ACOT11: variants seen among roughly 807,000 people sequenced by gnomAD.
The protein encoded by ACOT11 is acyl-CoA thioesterase 11.
In ACOT11, 69 loss-of-function variants were observed where a neutral mutation model predicts 77.5. The observed-to-expected ratio is 0.89, with a 90% CI of 0.73 to 1.09. The LOEUF is 1.09. ACOT11 is among the 50% of genes least tolerant of loss of function. ACOT11 has a pLI of 0.00. For synonymous variants in ACOT11, 279 were observed against 313.0 expected, an observed-to-expected ratio of 0.89 and a Z score of 1.15; for missense variants, 766 against 813.7, an observed-to-expected ratio of 0.94 and a Z score of 0.71.
At chr1:54,590,447 G>A (rs1167519089) in intron 3 of ACOT11, among the ~76,000 whole-genome samples, 1 of 152,130 alleles carries the variant, frequency 6.6e-6, no homozygotes, top group Non-Finnish European at 1.5e-5. Context: ...AGAGCTGTGG[G>A]GACAGAGGGC....
At chr1:54,594,448 C>T (rs3816069) in intron 5 of ACOT11, 108 bp from the exon 6 acceptor site, 50,301 of 1,394,812 alleles carry the variant, frequency 0.036, 1,716 homozygotes, top group East Asian at 0.17. Flanking sequence ...CAGCAGCCCA[C>T]GCCTGCTGTG....
At chr1:54,576,778 T>G (rs1654132064) in intron 1 of ACOT11, among the ~76,000 whole-genome samples, 1 of 152,020 alleles carries the variant, frequency 6.6e-6, no homozygotes, top group African/African-American at 2.4e-5. Flanking sequence ...ACTGGAGGTG[T>G]GGGCGAGACT....
In ACOT11 at chr1:54,609,871, A is replaced by G. The variant is rs552412386; in HGVS notation, c.*759A>G. On this transcript the variant is annotated 3_prime_UTR_variant, in exon 16 of 16. Transcript: ENST00000343744. ...TCAGGATGTTGCCACTTGGAGTATGAACAATGGGCACGGGGTTTTCAGCCA... is the reference window on the plus strand; with the variant it reads ...TCAGGATGTTGCCACTTGGAGTATGGACAATGGGCACGGGGTTTTCAGCCA... 34 of 1,613,768 alleles carry G rather than the reference A, an allele frequency of 2.1e-5. No individual in the cohort carries two copies. In the African/African-American group the frequency reaches 2.8e-4, roughly 13 times the overall value.
intron 1 of ACOT11, among the ~76,000 whole-genome samples, chr1:54,570,539 G>T (rs1653895526): frequency 2.0e-5 from 3 of 152,250 alleles, no homozygotes; most frequent in South Asian, 4.2e-4. Context: ...TTTTGAGACA[G>T]AGTCTCGCTG....
At chr1:54,616,725 GTT>G (rs1331452909) in intron 15 of ACOT11, among the ~76,000 whole-genome samples, 3 of 152,116 alleles carry the variant, frequency 2.0e-5, no homozygotes, top group Admixed American at 2.0e-4. Flanking sequence ...AATTTTTTAT[GTT>G]TTTTCAACAT....
In ACOT11 at chr1:54,594,040, G is replaced by C; in HGVS notation, c.471+1G>C. The C allele has an allele frequency of 6.2e-7, 1 of 1,612,870 alleles. No homozygotes were observed. Among genetic ancestry groups the C allele is most frequent in the Non-Finnish European group, 8.5e-7 (1 of 1,179,234 alleles). ...CGTGGCCCGCCGAGAGATCACCAAG[G>C]TAACTGGGTGCGCCTGGCTGCTGGA... On this transcript the variant is annotated splice_donor_variant, in intron 5 of 15. Transcript: ENST00000343744. LOFTEE classifies it high-confidence loss of function.
intron 1 of ACOT11, 149 bp downstream of exon 1, chr1:54,548,491 G>T (rs771512912): frequency 9.9e-7 from 1 of 1,009,370 alleles, no homozygotes; most frequent in Non-Finnish European, 1.5e-6. Context: ...AGAAATCGCA[G>T]AACCCCTGGG....
intron 1 of ACOT11, chr1:54,582,450 A>C (rs1213693658): frequency 1.2e-5 from 12 of 985,184 alleles, no homozygotes; most frequent in African/African-American, 3.5e-5. Context: ...CGTACAGAGG[A>C]AGTGTTTGGT....
chr1:54,583,136 G>T (rs945045046), intron 1 of ACOT11, among the ~76,000 whole-genome samples: 1 of 152,102 alleles, frequency 6.6e-6, no homozygotes, highest in African/African-American at 2.4e-5. Flanking sequence ...ACCTGTGAGA[G>T]CCCGCAAGCC....
At chr1:54,587,697 G>T (rs938909447) in intron 3 of ACOT11, among the ~76,000 whole-genome samples, 1 of 149,802 alleles carries the variant, frequency 6.7e-6, no homozygotes, top group Non-Finnish European at 1.5e-5. Flanking sequence ...GAGTAGCTGG[G>T]ATTACAGGTG....
chr1:54,559,715 A>G (rs1653399434), intron 1 of ACOT11, among the ~76,000 whole-genome samples: 1 of 152,160 alleles, frequency 6.6e-6, no homozygotes, highest in African/African-American at 2.4e-5. Flanking sequence ...AGTGTCGGGC[A>G]TATTTAAACT....
chr1:54,592,616 G>T lies in ACOT11; in HGVS notation c.372+10G>T. ...CAACTCCAGCATGGAGGTGTGTGGG[G>T]TGGGCACTGCTTGGGAGTGGGTGCG... On this transcript the variant is annotated intron_variant, in intron 4 of 15. Transcript: ENST00000343744. 6.2e-7 allele frequency: 1 copy of T among 1,613,302 alleles called. No individual in the cohort carries two copies. The highest frequency in any genetic ancestry group is 1.1e-5 in the South Asian group (1 of 90,832).
At chr1:54,551,142 A>G (rs1653051141) in intron 1 of ACOT11, among the ~76,000 whole-genome samples, 2 of 151,684 alleles carry the variant, frequency 1.3e-5, no homozygotes, top group South Asian at 4.1e-4. Context: ...AAAAAAAAAA[A>G]AAAAAAAGAA....
chr1:54,571,347 G>T (rs1022583149), intron 1 of ACOT11, among the ~76,000 whole-genome samples: 1 of 152,192 alleles, frequency 6.6e-6, no homozygotes, highest in Non-Finnish European at 1.5e-5. Context: ...CTCTGAGACA[G>T]TGTAGGAAAA....
rs147662086 is a variant in ACOT11, at chr1:54,552,931, G to A, written c.33+4589G>A. 3.7e-3 allele frequency among the ~76,000 whole-genome samples: 560 copies of A among 151,230 alleles called. 2 individuals are homozygous for A. The highest frequency in any genetic ancestry group is 5.7e-3 in the Non-Finnish European group (388 of 67,826). ...CAACCTCTGCCTCCCAGGTTCAAGC[G>A]ATTCTCCTGCCTCAGCCTCCCAAGT... On this transcript the variant is annotated intron_variant, in intron 1 of 15. Coordinates refer to ENST00000343744, the MANE Select transcript of ACOT11 (RefSeq NM_147161.4).
intron 1 of ACOT11, among the ~76,000 whole-genome samples, chr1:54,579,885 G>A (rs1270195065): frequency 2.0e-5 from 3 of 152,218 alleles, no homozygotes; most frequent in Non-Finnish European, 4.4e-5. Context: ...GTGAGACTCT[G>A]GAGAGCTCAT....
At chr1:54,615,096 G>A (rs1644159215), downstream of ACOT11, among the ~76,000 whole-genome samples, 1 of 152,168 alleles carries the variant, frequency 6.6e-6, no homozygotes, top group African/African-American at 2.4e-5. Context: ...TCTCCTGCGG[G>A]GAGGAAACAG....
rs1653321414 is a variant in ACOT11, at chr1:54,557,866, T to C, written c.33+9524T>C. ...CTTTCCAATTTGGATGCCTTTTATT[T>C]CTCTCTCTTGCCTAATTGCTCTGGC... is the stretch of plus-strand genomic sequence containing the variant. On this transcript the variant is annotated intron_variant, in intron 1 of 15. Coordinates refer to ENST00000343744, the MANE Select transcript of ACOT11 (RefSeq NM_147161.4). 2.6e-5 allele frequency among the ~76,000 whole-genome samples: 4 copies of C among 151,976 alleles called. No individual in the cohort carries two copies. The South Asian group carries it at 8.3e-4, about 31-fold the overall frequency.
rs542651500 is a variant in ACOT11, at chr1:54,584,211, C to T, written c.34-444C>T. ...GAGCCCTTTGGGGATGAAATCAGAG[C>T]GGCTTCTTGAAACACTGTATTAGGA... On this transcript the variant is annotated intron_variant, in intron 1 of 15. Transcript: ENST00000343744. The surrounding 1 kb of genome is among the most constrained non-coding windows in gnomAD (Gnocchi z 6.3). Among the ~76,000 whole-genome samples, 3 of 152,204 alleles carry T rather than the reference C, an allele frequency of 2.0e-5. No individual in the cohort carries two copies. The highest frequency in any genetic ancestry group is 4.8e-5 in the African/African-American group (2 of 41,520).
Sources: gnomAD v4.1 joint callset for allele counts (sites outside exome capture counted in the v4.1 genomes callset) on GRCh38, gnomAD v4.1.1 for gene constraint, Gnocchi (gnomAD v3.1) non-coding constraint, MANE v1.5 for transcripts, NCBI Gene and HGNC (gene_info 2026-07-23, HGNC 2026-07-21) for gene names.